Variants in KIAA2012 observed in about 807,000 individuals in gnomAD.
KIAA2012 encodes uncharacterized protein KIAA2012.
A neutral mutation model predicts 150.6 loss-of-function variants in KIAA2012; 125 were observed. That is an observed-to-expected ratio of 0.83 (90% confidence interval 0.72 to 0.96). The LOEUF (loss-of-function observed/expected upper bound fraction) is 0.96. KIAA2012 is among the 40% of genes least tolerant of loss of function. KIAA2012 has a pLI of 0.00. For synonymous variants in KIAA2012, 462 were observed against 504.7 expected, an observed-to-expected ratio of 0.92 and a Z score of 1.13; for missense variants, 1,219 against 1,354.9, an observed-to-expected ratio of 0.90 and a Z score of 1.57.
At chr2:202,103,811 G>GCTT (rs771186381) in intron 8 of KIAA2012, among the ~76,000 whole-genome samples, 25 of 152,170 alleles carry the variant, frequency 1.6e-4, no homozygotes, top group Non-Finnish European at 3.2e-4. Context: ...TTTAGGGGAG[G>GCTT]CTTCTGAGTG....
chr2:202,194,406 G>A (rs574317157), intron 21 of KIAA2012, 44 bp downstream of exon 21: 51 of 1,543,804 alleles, frequency 3.3e-5, no homozygotes, highest in Non-Finnish European at 4.5e-5. Context: ...TCTACTTGGG[G>A]CAGAAACACT....
chr2:202,086,167 CA>C (rs56207993), intron 2 of KIAA2012, among the ~76,000 whole-genome samples: 30 of 90,128 alleles, frequency 3.3e-4, no homozygotes, highest in South Asian at 2.7e-3. Context: ...AACTCTGTCT[CA>C]AAAAAAAAAA....
At chr2:202,168,885 G>T (rs150285362) in intron 15 of KIAA2012, among the ~76,000 whole-genome samples, 122 of 152,276 alleles carry the variant, frequency 8.0e-4, no homozygotes, top group African/African-American at 2.5e-3. Flanking sequence ...AAACAAATAA[G>T]CCATTTCCAT....
intron 15 of KIAA2012, among the ~76,000 whole-genome samples, chr2:202,177,646 G>C (rs141853236): frequency 1.3e-5 from 2 of 152,078 alleles, no homozygotes; most frequent in East Asian, 1.9e-4. Flanking sequence ...TCAGTGTCCC[G>C]AGTAGCTGAG....
At chr2:202,169,336 A>T (rs550098146) in intron 15 of KIAA2012, among the ~76,000 whole-genome samples, 99 of 152,346 alleles carry the variant, frequency 6.5e-4, no homozygotes, top group Non-Finnish European at 1.1e-3. Context: ...AACTGCAGGC[A>T]TGATGTTCAC....
chr2:202,091,051 C>A, intron 3 of KIAA2012, 122 bp downstream of exon 3: 1 of 1,292,018 alleles, frequency 7.7e-7, no homozygotes, highest in Non-Finnish European at 1.0e-6. Flanking sequence ...TGTGTTAAAG[C>A]AAAGTCCCCA....
rs566501692 is a variant in KIAA2012, at chr2:202,109,748, C to T, written c.1610C>T (p.Pro537Leu). 21 of 1,550,030 alleles carry T rather than the reference C, an allele frequency of 1.4e-5. No homozygotes were observed. The highest frequency in any genetic ancestry group is 4.9e-5 in the East Asian group (2 of 40,902). ...TSDHNSPPSL[P>L]NMRVPRRALP... ...GACCACAACAGCCCCCCAAGTCTCC[C>T]GAACATGAGAGTGCCCAGGAGGGCA... The change falls in exon 10 of 24, where the codon CCG becomes CTG. Residue 537 changes from proline to leucine, a missense_variant. Pro to Leu is a moderately conservative substitution (Grantham distance 98). Coordinates refer to ENST00000498697, the MANE Select transcript of KIAA2012 (RefSeq NM_001277372.4).
chr2:202,179,318 T>C, intron 15 of KIAA2012: 2 of 1,196,482 alleles, frequency 1.7e-6, no homozygotes, highest in Non-Finnish European at 2.5e-6. Context: ...GTACGGCTTT[T>C]CGCTGACTAC....
intron 2 of KIAA2012, among the ~76,000 whole-genome samples, chr2:202,087,939 T>A (rs1689612208): frequency 6.6e-6 from 1 of 151,038 alleles, no homozygotes; most frequent in South Asian, 2.1e-4. Context: ...GTCTTCACTT[T>A]CCTGGATTCA....
chr2:202,155,567 C>T (rs921000953), intron 14 of KIAA2012, among the ~76,000 whole-genome samples: 1 of 152,172 alleles, frequency 6.6e-6, no homozygotes, highest in Non-Finnish European at 1.5e-5. Context: ...CCAGGCCTGG[C>T]ATGGAAGGAT....
intron 13 of KIAA2012, among the ~76,000 whole-genome samples, chr2:202,140,885 C>T (rs556889836): frequency 3.9e-5 from 6 of 152,090 alleles, no homozygotes; most frequent in Admixed American, 6.5e-5. Context: ...TGCCCCCTCC[C>T]TCCCTTCCTT....
At chr2:202,185,157 A>G (rs551534041) in intron 16 of KIAA2012, among the ~76,000 whole-genome samples, 2 of 152,306 alleles carry the variant, frequency 1.3e-5, no homozygotes, top group South Asian at 4.1e-4. Flanking sequence ...GCTGAAATCT[A>G]TCACTTCAAC....
At chr2:202,094,804 T>A (rs1264187812) in intron 4 of KIAA2012, among the ~76,000 whole-genome samples, 3 of 152,082 alleles carry the variant, frequency 2.0e-5, no homozygotes, top group East Asian at 3.9e-4. Flanking sequence ...CAGGCATGAG[T>A]CACCGCTCTC....
intron 12 of KIAA2012, among the ~76,000 whole-genome samples, chr2:202,134,088 T>C (rs1691012946): frequency 6.6e-6 from 1 of 152,206 alleles, no homozygotes; most frequent in Admixed American, 6.5e-5. Context: ...CCTTCTCCCA[T>C]TGGTTCCTGC....
chr2:202,076,024 A>G (rs1289483236), intron 2 of KIAA2012, among the ~76,000 whole-genome samples: 1 of 152,170 alleles, frequency 6.6e-6, no homozygotes, highest in Non-Finnish European at 1.5e-5. Flanking sequence ...ATCATTCCCC[A>G]ACACCTGTGC....
At chr2:202,080,169 T>C (rs1013251898) in intron 2 of KIAA2012, among the ~76,000 whole-genome samples, 1 of 152,138 alleles carries the variant, frequency 6.6e-6, no homozygotes, top group Non-Finnish European at 1.5e-5. Flanking sequence ...AAAAGAAGCA[T>C]CTCCCCAGCT....
chr2:202,194,100 G>A (rs1487834503), intron 20 of KIAA2012, 90 bp from the exon 21 acceptor site: 18 of 1,402,172 alleles, frequency 1.3e-5, no homozygotes, highest in Non-Finnish European at 1.7e-5. Context: ...GGGCTGCAGA[G>A]CCTCCCCCAT....
chr2:202,120,199 G>A lies in KIAA2012; in HGVS notation c.1763-5015G>A, dbSNP rs550122978. On this transcript the variant is annotated intron_variant, in intron 11 of 23. Transcript: ENST00000498697. ...ACTAATACACTGTGCAACATAGTGC[G>A]ATCCCGTCTCTGCAAAAACTTTTAA... Among the ~76,000 whole-genome samples the A allele has an allele frequency of 5.9e-5, 9 of 152,252 alleles. No individual in the cohort carries two copies. The South Asian group carries it at 8.3e-4, about 14-fold the overall frequency.
intron 2 of KIAA2012, among the ~76,000 whole-genome samples, chr2:202,081,191 G>C (rs1318720920): frequency 6.6e-6 from 1 of 152,172 alleles, no homozygotes; most frequent in Non-Finnish European, 1.5e-5. Context: ...TCCTTCTTTT[G>C]CAAAGCTGAG....
Sources: allele counts gnomAD v4.1 joint callset (sites outside exome capture counted in the v4.1 genomes callset), GRCh38; gene constraint gnomAD v4.1.1; transcripts MANE v1.5; gene names NCBI Gene and HGNC (gene_info 2026-07-23, HGNC 2026-07-21).